QKI: variants seen among roughly 807,000 people sequenced by gnomAD.
QKI encodes the protein KH domain-containing RNA-binding protein QKI.
QKI carries 10 observed loss-of-function variants against 39.0 expected under a neutral mutation model. That is an observed-to-expected ratio of 0.26 (90% CI 0.16 to 0.43). The LOEUF (loss-of-function observed/expected upper bound fraction) is 0.43, where lower values mean the gene tolerates loss of function less well. Ranked by LOEUF, QKI falls within the 20% of genes least tolerant of loss-of-function variation. QKI has a pLI of 1.00. For missense variants in QKI, 218 were observed against 428.0 expected (o/e 0.51, Z 4.33); for synonymous variants, 204 against 155.4 (o/e 1.31, Z -2.33).
At chr6:163,543,261 T>A (rs1428304668) in intron 4 of QKI, among the ~76,000 whole-genome samples, 1 of 152,094 alleles carries the variant, frequency 6.6e-6, no homozygotes, top group Non-Finnish European at 1.5e-5. Flanking sequence ...TTGGCCTCCT[T>A]TTCATTTTAT....
At chr6:163,488,255 G>T (rs1475980020) in intron 3 of QKI, among the ~76,000 whole-genome samples, 1 of 151,984 alleles carries the variant, frequency 6.6e-6, no homozygotes, top group Non-Finnish European at 1.5e-5. Flanking sequence ...ATGACAGTCT[G>T]CACTCTTGTG....
chr6:163,506,127 T>G (rs969557213), intron 3 of QKI, among the ~76,000 whole-genome samples: 1 of 151,712 alleles, frequency 6.6e-6, no homozygotes, highest in South Asian at 2.1e-4. Flanking sequence ...GATTTTAAGG[T>G]TTCTGAGGCC....
At chr6:163,480,946 A>G (rs6937072) in intron 3 of QKI, among the ~76,000 whole-genome samples, 11,992 of 152,232 alleles carry the variant, frequency 0.079, 531 homozygotes, top group Middle Eastern at 0.12. Flanking sequence ...TTCTGCAGTA[A>G]TGGCCCCCCA....
chr6:163,448,582 A>G (rs1433576302), intron 1 of QKI, among the ~76,000 whole-genome samples: 2 of 151,932 alleles, frequency 1.3e-5, no homozygotes, highest in African/African-American at 4.8e-5. Context: ...AAAAATAATA[A>G]TAAATTAGCT....
chr6:163,573,751 T>C lies in QKI; in HGVS notation c.*3041T>C, dbSNP rs1254054182. 1.3e-5 allele frequency: 2 copies of C among 152,236 alleles called. No individual in the cohort carries two copies. Among genetic ancestry groups the C allele is most frequent in the African/African-American group, 4.8e-5 (2 of 41,468 alleles). 9.4% of individuals were successfully genotyped at this position (152,236 alleles called of 1,614,324 possible). A position where few individuals can be genotyped will look rare whatever the true frequency, so the allele number is the denominator to read the frequency against. On this transcript the variant is annotated 3_prime_UTR_variant, in exon 8 of 8. Transcript: ENST00000361752. ...TAATTCTTTGGTTCTTTGCTGTTTC[T>C]ATTAACCCACAGCATTATTTTAATA...
intron 4 of QKI, 37 bp downstream of exon 4, chr6:163,535,162 G>A (rs760975652): frequency 1.8e-5 from 27 of 1,508,654 alleles, no homozygotes; most frequent in East Asian, 1.4e-4. Context: ...TTTGGGCCTC[G>A]TCCTTTTTTG....
At chr6:163,517,855 G>A (rs1480778952) in intron 3 of QKI, among the ~76,000 whole-genome samples, 1 of 152,134 alleles carries the variant, frequency 6.6e-6, no homozygotes. Flanking sequence ...ATTGATGAGT[G>A]AGGGATATAA....
chr6:163,469,268 C>A (rs563316459), intron 2 of QKI, among the ~76,000 whole-genome samples: 1 of 152,194 alleles, frequency 6.6e-6, no homozygotes, highest in Admixed American at 6.5e-5. Flanking sequence ...AAACAAGGCT[C>A]TATATGTGGT....
Position 163,566,144 on chromosome 6 carries a change from T to C in QKI, c.935-577T>C, listed in dbSNP as rs1319761575. 3 of 1,408,056 alleles carry C rather than the reference T, an allele frequency of 2.1e-6. No homozygotes were observed. The East Asian group carries it at 7.7e-5, about 36-fold the overall frequency. 87.2% of individuals were successfully genotyped at this position (1,408,056 alleles called of 1,614,324 possible). On this transcript the variant is annotated intron_variant, in intron 6 of 7. Transcript: ENST00000361752. The stretch of plus-strand genomic sequence containing the variant: ...TATTAATTTGGTTTAGTCTGTAATA[T>C]TACACAGTAATGGTAATTTATAAAG...
intron 2 of QKI, among the ~76,000 whole-genome samples, chr6:163,456,680 T>A (rs901102998): frequency 6.6e-6 from 1 of 152,178 alleles, no homozygotes; most frequent in African/African-American, 2.4e-5. Flanking sequence ...TTACTCTGGT[T>A]TTATAGGTAT....
intron 3 of QKI, among the ~76,000 whole-genome samples, chr6:163,497,354 A>G (rs1301944744): frequency 6.6e-6 from 1 of 152,120 alleles, no homozygotes; most frequent in African/African-American, 2.4e-5. Flanking sequence ...TTGCTGTTTA[A>G]AACAATTTTA....
intron 1 of QKI, among the ~76,000 whole-genome samples, chr6:163,435,125 T>A (rs1029390007): frequency 1.3e-5 from 2 of 152,218 alleles, no homozygotes; most frequent in African/African-American, 4.8e-5. Flanking sequence ...GTTAATAGAT[T>A]AGTTGCATAT....
At chr6:163,500,656 G>A (rs1356616869) in intron 3 of QKI, among the ~76,000 whole-genome samples, 2 of 151,978 alleles carry the variant, frequency 1.3e-5, no homozygotes, top group East Asian at 3.9e-4. Flanking sequence ...CTGACGTAGA[G>A]GAGCATCAAA....
At chr6:163,438,594 G>T (rs1789491816) in intron 1 of QKI, among the ~76,000 whole-genome samples, 1 of 152,082 alleles carries the variant, frequency 6.6e-6, no homozygotes, top group South Asian at 2.1e-4. Flanking sequence ...TAACACAATG[G>T]TATTTGTGTA....
At chr6:163,525,007 A>G (rs949644205) in intron 3 of QKI, among the ~76,000 whole-genome samples, 1 of 152,228 alleles carries the variant, frequency 6.6e-6, no homozygotes, top group East Asian at 1.9e-4. Flanking sequence ...CTAAACAGCT[A>G]TTAAGTGGTT....
intron 1 of QKI, among the ~76,000 whole-genome samples, chr6:163,429,988 G>A (rs918208796): frequency 6.6e-6 from 1 of 152,150 alleles, no homozygotes; most frequent in Non-Finnish European, 1.5e-5. Context: ...TTTGGCTGAG[G>A]AGGCTATGGA....
chr6:163,569,046 CT>C, intron 7 of QKI: 1 of 972,286 alleles, frequency 1.0e-6, no homozygotes, highest in African/African-American at 1.8e-5. Flanking sequence ...GTATAAGAAA[CT>C]TTAAACAGTT....
rs559366109 is a variant in QKI, at chr6:163,524,907, T to C, written c.403-10075T>C. Among the ~76,000 whole-genome samples the C allele has an allele frequency of 1.7e-4, 26 of 152,326 alleles. No homozygotes were observed. The South Asian group carries it at 5.0e-3, about 29-fold the overall frequency. ...TCCGAACACTAACATTTAAAACTCA[T>C]TGTAGCTCTGAGATGTAAGTACTAT... On this transcript the variant is annotated intron_variant, in intron 3 of 7. Coordinates refer to ENST00000361752, the MANE Select transcript of QKI (RefSeq NM_006775.3).
intron 1 of QKI, among the ~76,000 whole-genome samples, chr6:163,434,445 T>TA (rs1582979297): frequency 6.6e-6 from 1 of 152,160 alleles, no homozygotes; most frequent in African/African-American, 2.4e-5. Context: ...CCAAGTTTGT[T>TA]AAAAAATAAA....
Sources: gnomAD v4.1 joint callset for allele counts (sites outside exome capture counted in the v4.1 genomes callset) on GRCh38, gnomAD v4.1.1 for gene constraint, MANE v1.5 for transcripts, NCBI Gene and HGNC (gene_info 2026-07-23, HGNC 2026-07-21) for gene names.